PCDHGB5: variants seen among roughly 807,000 people sequenced by gnomAD.
PCDHGB5 encodes protocadherin gamma-B5.
PCDHGB5 carries 48 observed loss-of-function variants against 62.9 expected under a neutral mutation model. That is an observed-to-expected ratio of 0.76 (90% CI 0.61 to 0.97). PCDHGB5 has a LOEUF of 0.97. Among genes scored for constraint, PCDHGB5 ranks in the 50% least tolerant of loss-of-function variants. The pLI is 0.00. For missense variants in PCDHGB5, 1,118 were observed against 1,198.6 expected (o/e 0.93, Z 0.99); for synonymous variants, 474 against 511.2 (o/e 0.93, Z 0.98).
intron 1 of PCDHGB5, chr5:141,428,078 C>A (rs747287202): frequency 1.2e-6 from 2 of 1,609,216 alleles, no homozygotes; most frequent in Admixed American, 3.3e-5. Flanking sequence ...ATTCGGGACA[C>A]AACGCTTGGC....
At chr5:141,409,088 GAGAAAAC>G in intron 1 of PCDHGB5, 1 of 1,614,044 alleles carries the variant, frequency 6.2e-7, no homozygotes, top group Non-Finnish European at 8.5e-7. Context: ...CTCATTGGAT[GAGAAAAC>G]AGGTATGATT....
intron 1 of PCDHGB5, chr5:141,414,621 C>G: frequency 6.2e-7 from 1 of 1,613,996 alleles, no homozygotes; most frequent in Non-Finnish European, 8.5e-7. Flanking sequence ...CAGCGCTGGA[C>G]CCGGACAGCA....
intron 1 of PCDHGB5, chr5:141,427,962 G>C (rs767684725): frequency 5.0e-6 from 8 of 1,589,982 alleles, no homozygotes; most frequent in Non-Finnish European, 6.9e-6. Flanking sequence ...TGTGCCGCGG[G>C]TGCTGTACCC....
intron 1 of PCDHGB5, chr5:141,405,602 A>C: frequency 1.7e-6 from 1 of 572,914 alleles, no homozygotes; most frequent in South Asian, 2.3e-5. Flanking sequence ...CCCAAGTAGA[A>C]TAACTGGGAC....
intron 1 of PCDHGB5, among the ~76,000 whole-genome samples, chr5:141,405,891 A>G (rs1029768115): frequency 1.3e-5 from 2 of 152,164 alleles, no homozygotes; most frequent in African/African-American, 4.8e-5. Flanking sequence ...TTGCTCCAAC[A>G]CTGAAAGGAG....
Position 141,477,865 on chromosome 5 carries a change from T to A in PCDHGB5, c.2398-16942T>A, listed in dbSNP as rs1380570615. On this transcript the variant is annotated intron_variant, in intron 1 of 3. Transcript: ENST00000617380. This position sits in a 1 kb window ranked among gnomAD's most constrained non-coding sequence, Gnocchi z 4.9. ...GCTCGGTGGAGATGCTGCCTCGAGG[T>A]ACCTCAGCTGGCCACCTAGTGTCAC... 6.2e-7 allele frequency: 1 copy of A among 1,612,698 alleles called. No individual in the cohort carries two copies. Among genetic ancestry groups the A allele is most frequent in the Non-Finnish European group, 8.5e-7 (1 of 1,179,562 alleles).
In PCDHGB5 at chr5:141,440,050, G is replaced by C. The variant is rs747798063; in HGVS notation, c.2397+39526G>C. On this transcript the variant is annotated intron_variant, in intron 1 of 3. Coordinates refer to ENST00000617380, the MANE Select transcript of PCDHGB5 (RefSeq NM_018925.3). ...GTGTCGAGGACATGCCCACTTGAAA[G>C]CTTCGGGTTAATGCTGAGGAATAAT... 6 of 152,826 alleles carry C rather than the reference G, an allele frequency of 3.9e-5. No homozygotes were observed. The East Asian group carries it at 1.2e-3, about 29-fold the overall frequency. 9.5% of individuals were successfully genotyped at this position (152,826 alleles called of 1,614,324 possible). A position where few individuals can be genotyped will look rare whatever the true frequency, so the allele number is the denominator to read the frequency against.
At position 141,438,956 on chromosome 5, in the gene PCDHGB5, G is replaced by A. The variant is rs140181975; in HGVS notation, c.2397+38432G>A. 3.9e-3 allele frequency among the ~76,000 whole-genome samples: 592 copies of A among 151,974 alleles called. 6 individuals are homozygous for A. Among genetic ancestry groups the A allele is most frequent in the Admixed American group, 0.011 (171 of 15,242 alleles). On this transcript the variant is annotated intron_variant, in intron 1 of 3. Coordinates refer to ENST00000617380, the MANE Select transcript of PCDHGB5 (RefSeq NM_018925.3). ...GCTGGGATTATAGGCATGAGCCACCGCACCCTGCCAACTGTCTGACTTATC... is the reference window on the plus strand; with the variant it reads ...GCTGGGATTATAGGCATGAGCCACCACACCCTGCCAACTGTCTGACTTATC...
rs762433242 is a variant in PCDHGB5, at chr5:141,476,856, C to A, written c.2398-17951C>A. 2.5e-6 allele frequency: 4 copies of A among 1,613,762 alleles called. No individual in the cohort carries two copies. In the East Asian group the frequency reaches 6.7e-5, roughly 27 times the overall value. ...GACAATGCGCCTGTCTTCAACCAGTCCTTGTACCGGGCGCGCGTCCTGGAG... is the reference window on the plus strand; with the variant it reads ...GACAATGCGCCTGTCTTCAACCAGTACTTGTACCGGGCGCGCGTCCTGGAG... On this transcript the variant is annotated intron_variant, in intron 1 of 3. Coordinates refer to ENST00000617380, the MANE Select transcript of PCDHGB5 (RefSeq NM_018925.3). This position sits in a 1 kb window ranked among gnomAD's most constrained non-coding sequence, Gnocchi z 7.6.
At chr5:141,508,760 T>A (rs1004267844) in intron 3 of PCDHGB5, among the ~76,000 whole-genome samples, 17 of 151,522 alleles carry the variant, frequency 1.1e-4, no homozygotes, top group Admixed American at 1.1e-3. Flanking sequence ...CTCTGGCGCC[T>A]CTGAGGTCCC....
In PCDHGB5 at chr5:141,399,480, G is replaced by T. The variant is rs760135566; in HGVS notation, c.1353G>T (p.Ala451=). The part of the protein sequence containing the change: ...VNDNAPVFHQ[A]SYLVSVPENN... ...ATAACGCTCCGGTTTTCCACCAGGC[G>T]TCCTACTTAGTCAGTGTACCCGAAA... Residue 451 remains alanine (A), a synonymous_variant, in exon 1 of 4, where the codon GCG becomes GCT. Coordinates refer to ENST00000617380, the MANE Select transcript of PCDHGB5 (RefSeq NM_018925.3). The T allele has an allele frequency of 1.9e-5, 31 of 1,613,886 alleles. No homozygotes were observed. In the South Asian group the frequency reaches 3.2e-4, roughly 17 times the overall value.
intron 1 of PCDHGB5, chr5:141,408,054 C>G (rs1561710214): frequency 1.5e-6 from 2 of 1,295,924 alleles, no homozygotes; most frequent in East Asian, 2.6e-5. Flanking sequence ...CACAGAGCCT[C>G]CCGGCTGCGC....
chr5:141,404,214 C>T lies in PCDHGB5; in HGVS notation c.2397+3690C>T, dbSNP rs1169013129. On this transcript the variant is annotated intron_variant, in intron 1 of 3. Coordinates refer to ENST00000617380, the MANE Select transcript of PCDHGB5 (RefSeq NM_018925.3). ...GAAAAAGCCTCAGAATATAATATCA[C>T]GGTGACTGCAACAGACAGAGGAACT... 11 of 1,613,562 alleles carry T rather than the reference C, an allele frequency of 6.8e-6. No individual in the cohort carries two copies. In the Admixed American group the frequency reaches 1.3e-4, roughly 20 times the overall value.
At chr5:141,426,678 T>C (rs2096951425) in intron 1 of PCDHGB5, 2 of 431,490 alleles carry the variant, frequency 4.6e-6, no homozygotes, top group Admixed American at 5.1e-5. Flanking sequence ...CCCACCTCAT[T>C]TTCCCCAAAA....
chr5:141,505,118 C>T (rs544825360), intron 2 of PCDHGB5, among the ~76,000 whole-genome samples: 32 of 152,222 alleles, frequency 2.1e-4, no homozygotes, highest in African/African-American at 7.5e-4. Flanking sequence ...GCCAAGATCG[C>T]GCCACTGCAC....
intron 1 of PCDHGB5, among the ~76,000 whole-genome samples, chr5:141,448,043 G>A (rs1000669754): frequency 3.3e-5 from 5 of 151,870 alleles, no homozygotes; most frequent in African/African-American, 1.2e-4. Context: ...CCAAGATCAT[G>A]CCATTGCTCT....
chr5:141,450,386 A>T (rs1208546397), intron 1 of PCDHGB5, among the ~76,000 whole-genome samples: 2 of 152,192 alleles, frequency 1.3e-5, no homozygotes, highest in Non-Finnish European at 2.9e-5. Flanking sequence ...TGAAACTGAC[A>T]TTTGTAAAGA....
At chr5:141,478,442 C>G (rs1245219009) in intron 1 of PCDHGB5, 1 of 1,613,608 alleles carries the variant, frequency 6.2e-7, no homozygotes, top group Non-Finnish European at 8.5e-7. Flanking sequence ...GCTGAAGAAA[C>G]CTGGTGCAGC....
chr5:141,471,338 A>G (rs1562030662), intron 1 of PCDHGB5: 1 of 152,234 alleles, frequency 6.6e-6, no homozygotes, highest in Non-Finnish European at 1.5e-5. Context: ...GGTATGATCC[A>G]CTGCGCCCGG....
Sources: gnomAD v4.1 joint callset for allele counts (sites outside exome capture counted in the v4.1 genomes callset) on GRCh38, gnomAD v4.1.1 for gene constraint, Gnocchi (gnomAD v3.1) non-coding constraint, MANE v1.5 for transcripts, NCBI Gene and HGNC (gene_info 2026-07-23, HGNC 2026-07-21) for gene names.